Variants in EXOC4 observed in about 807,000 individuals in gnomAD.
EXOC4 encodes exocyst complex component 4, also known as SEC8-like 1.
Under a neutral mutation model 107.2 loss-of-function variants are expected in EXOC4, and 71 were observed. The observed-to-expected ratio is 0.66, with a 90% CI of 0.55 to 0.81. EXOC4 has a LOEUF of 0.81. Among genes scored for constraint, EXOC4 ranks in the 30% least tolerant of loss-of-function variants. EXOC4 has a pLI of 0.00. For synonymous variants in EXOC4, 456 were observed against 441.2 expected, an observed-to-expected ratio of 1.03 and a Z score of -0.42; for missense variants, 1,108 against 1,189.6, an observed-to-expected ratio of 0.93 and a Z score of 1.01.
At chr7:133,625,232 T>G (rs1422098762) in intron 9 of EXOC4, among the ~76,000 whole-genome samples, 27 of 152,316 alleles carry the variant, frequency 1.8e-4, no homozygotes, top group Non-Finnish European at 2.8e-4. Context: ...GCAATTCTAA[T>G]GGAAAAGGAG....
chr7:134,000,347 T>G (rs896990286), intron 15 of EXOC4, among the ~76,000 whole-genome samples: 1 of 152,290 alleles, frequency 6.6e-6, no homozygotes, highest in Admixed American at 6.5e-5. Context: ...AACGCTAGAA[T>G]AGAGGTGTCT....
At chr7:133,430,061 G>T (rs932714144) in intron 7 of EXOC4, among the ~76,000 whole-genome samples, 2 of 152,142 alleles carry the variant, frequency 1.3e-5, no homozygotes, top group African/African-American at 4.8e-5. Flanking sequence ...CTGAGTTTTT[G>T]TCTAGCATCC....
chr7:133,267,336 T>C (rs1470337675), intron 1 of EXOC4, among the ~76,000 whole-genome samples: 1 of 152,182 alleles, frequency 6.6e-6, no homozygotes, highest in Non-Finnish European at 1.5e-5. Flanking sequence ...TTCCTGTCAC[T>C]GTCACTCTTT....
rs1338932029 is a variant in EXOC4, at chr7:133,823,910, TAA to T, written c.1734+6368_1734+6369del. 9.9e-4 allele frequency among the ~76,000 whole-genome samples: 29 copies of T among 29,170 alleles called. 1 individual carries two copies. The highest frequency in any genetic ancestry group is 7.1e-3 in the African/African-American group (21 of 2,964). The allele number at this position is 29,170 out of a possible 152,430, so 19.1% of individuals were successfully genotyped here. On this transcript the variant is annotated intron_variant, in intron 11 of 17. Coordinates refer to ENST00000253861, the MANE Select transcript of EXOC4 (RefSeq NM_021807.4). ...TATATATATTTTATATATATATATA[TAA>T]ATATATATATAAATTATATATATAT...
intron 5 of EXOC4, among the ~76,000 whole-genome samples, chr7:133,351,137 A>G (rs1425078994): frequency 6.6e-6 from 1 of 151,940 alleles, no homozygotes; most frequent in Non-Finnish European, 1.5e-5. Flanking sequence ...GGATTTTTAC[A>G]TCTGTGTTCA....
At chr7:133,683,573 G>A (rs1005263249) in intron 10 of EXOC4, among the ~76,000 whole-genome samples, 6 of 152,092 alleles carry the variant, frequency 3.9e-5, no homozygotes, top group African/African-American at 9.7e-5. Flanking sequence ...TGTTAATTAA[G>A]TGTTGTTTTA....
At chr7:133,754,954 C>T (rs900391685) in intron 10 of EXOC4, among the ~76,000 whole-genome samples, 9 of 151,676 alleles carry the variant, frequency 5.9e-5, no homozygotes, top group South Asian at 2.1e-4. Flanking sequence ...TCAGTGAATG[C>T]GTATTGATGA....
intron 10 of EXOC4, among the ~76,000 whole-genome samples, chr7:133,772,038 C>T (rs1482479405): frequency 6.6e-6 from 1 of 151,956 alleles, no homozygotes; most frequent in Non-Finnish European, 1.5e-5. Flanking sequence ...GCTGTCATTT[C>T]TAATACATTT....
intron 9 of EXOC4, among the ~76,000 whole-genome samples, chr7:133,570,113 T>G (rs923729475): frequency 1.3e-5 from 2 of 152,224 alleles, no homozygotes; most frequent in Non-Finnish European, 2.9e-5. Context: ...AAATTTGGTA[T>G]ACAGAAGTTA....
At chr7:133,991,358 C>T (rs1370141410) in intron 14 of EXOC4, among the ~76,000 whole-genome samples, 1 of 151,946 alleles carries the variant, frequency 6.6e-6, no homozygotes, top group Non-Finnish European at 1.5e-5. Flanking sequence ...CATCCCTTGC[C>T]AGGTATATAC....
intron 7 of EXOC4, among the ~76,000 whole-genome samples, chr7:133,436,394 G>A (rs1797975048): frequency 6.6e-6 from 1 of 151,730 alleles, no homozygotes; most frequent in African/African-American, 2.4e-5. Context: ...TCTTCATTTG[G>A]CATCAAAACT....
chr7:133,267,896 T>G (rs2150515073), intron 1 of EXOC4, among the ~76,000 whole-genome samples: 1 of 152,300 alleles, frequency 6.6e-6, no homozygotes, highest in South Asian at 2.1e-4. Flanking sequence ...TACTAAGCAC[T>G]TAATGTACCA....
rs549076987 is a variant in EXOC4 at position 133,862,797 on chromosome 7, AT to A, written c.1735-32795del. On this transcript the variant is annotated intron_variant, in intron 11 of 17. Transcript: ENST00000253861. The stretch of plus-strand genomic sequence containing the variant: ...TATGTAGGGAAAGCATTTTTCTAAA[AT>A]TTTTTTGTTATGTTTACATTTGGCA... Among the ~76,000 whole-genome samples the A allele has an allele frequency of 1.8e-3, 266 of 151,590 alleles. 4 individuals carry two copies. The highest frequency in any genetic ancestry group is 6.1e-3 in the African/African-American group (251 of 41,350).
intron 9 of EXOC4, among the ~76,000 whole-genome samples, chr7:133,532,055 G>A (rs957790018): frequency 6.6e-6 from 1 of 151,916 alleles, no homozygotes; most frequent in African/African-American, 2.4e-5. Context: ...CATGAAACGG[G>A]TTTATGTTAA....
At chr7:133,564,065 A>T (rs371439896) in intron 9 of EXOC4, among the ~76,000 whole-genome samples, 1 of 152,190 alleles carries the variant, frequency 6.6e-6, no homozygotes, top group Non-Finnish European at 1.5e-5. Flanking sequence ...TTTTTATTTT[A>T]CCTACTCAGT....
intron 17 of EXOC4, among the ~76,000 whole-genome samples, chr7:134,021,938 G>T (rs1454917590): frequency 2.6e-5 from 4 of 152,074 alleles, no homozygotes; most frequent in Non-Finnish European, 5.9e-5. Context: ...GGAGGGAGAG[G>T]TTGGGGATTT....
At chr7:133,255,868 T>C (rs991491417) in intron 1 of EXOC4, among the ~76,000 whole-genome samples, 5 of 152,156 alleles carry the variant, frequency 3.3e-5, no homozygotes, top group African/African-American at 1.2e-4. Context: ...GAACCAGGAA[T>C]GTATGTTTCT....
chr7:133,940,768 C>A (rs550163205), intron 14 of EXOC4, among the ~76,000 whole-genome samples: 36 of 143,762 alleles, frequency 2.5e-4, no homozygotes, highest in African/African-American at 8.7e-4. Flanking sequence ...AAGGGGACAG[C>A]TTTTTATTAT....
At chr7:134,030,674 C>T (rs1421068929) in intron 17 of EXOC4, among the ~76,000 whole-genome samples, 1 of 147,638 alleles carries the variant, frequency 6.8e-6, no homozygotes, top group East Asian at 2.0e-4. Context: ...CGCACCCCCC[C>T]TCTGCCCCCC....
Sources: gnomAD v4.1 joint callset for allele counts (sites outside exome capture counted in the v4.1 genomes callset) on GRCh38, gnomAD v4.1.1 for gene constraint, MANE v1.5 for transcripts, NCBI Gene and HGNC (gene_info 2026-07-23, HGNC 2026-07-21) for gene names.